The following RNASEL variants were observed in gnomAD, a reference collection of about 807,000 sequenced individuals.
RNASEL encodes ribonuclease L.
Under a neutral mutation model 50.9 loss-of-function variants are expected in RNASEL, and 36 were observed. That is an observed-to-expected ratio of 0.71 (90% CI 0.54 to 0.93). The LOEUF is 0.93. Among genes scored for constraint, RNASEL ranks in the 40% least tolerant of loss-of-function variants. The pLI is 0.00. For missense variants in RNASEL, 860 were observed against 894.5 expected (o/e 0.96, Z 0.49); for synonymous variants, 335 against 335.6 (o/e 1.00, Z 0.02).
intron 2 of RNASEL, among the ~76,000 whole-genome samples, chr1:182,585,012 C>G (rs1037842354): frequency 6.6e-6 from 1 of 152,150 alleles, no homozygotes; most frequent in Non-Finnish European, 1.5e-5. Flanking sequence ...TGAAGGAACT[C>G]ACCTCTAGGA....
intron 6 of RNASEL, 149 bp from the exon 7 acceptor site, chr1:182,575,727 CCT>C: frequency 1.0e-6 from 1 of 993,610 alleles, no homozygotes; most frequent in African/African-American, 1.6e-5. Flanking sequence ...AGACTCCTCC[CCT>C]GACTCTTCAA....
chr1:182,584,250 T>C, intron 2 of RNASEL, 84 bp from the exon 3 acceptor site: 2 of 919,098 alleles, frequency 2.2e-6, no homozygotes, highest in Non-Finnish European at 3.6e-6. Context: ...ATATGTAACA[T>C]GCTATAAAAA....
intron 2 of RNASEL, 104 bp from the exon 3 acceptor site, chr1:182,584,270 C>T (rs1406477949): frequency 2.5e-6 from 2 of 797,714 alleles, no homozygotes; most frequent in South Asian, 2.8e-5. Flanking sequence ...ATCATCATCT[C>T]TGTGGAAGGC....
In RNASEL at chr1:182,581,310, G is replaced by GT; in HGVS notation, c.1819dup (p.Thr607AsnfsTer5). 1 of 1,614,020 alleles carries GT rather than the reference G, an allele frequency of 6.2e-7. No homozygotes were observed. The highest frequency in any genetic ancestry group is 8.5e-7 in the Non-Finnish European group (1 of 1,179,994). On this transcript the variant is annotated frameshift_variant, in exon 5 of 7. Coordinates refer to ENST00000367559, the MANE Select transcript of RNASEL (RefSeq NM_021133.4). LOFTEE classifies it high-confidence loss of function. ...GAGGATCTCACTTTCAGATTTTCGT[G>GT]TTTTGATGTCGGATTCATTTCCCAC...
At chr1:182,579,826 G>A in intron 5 of RNASEL, 1 of 821,232 alleles carries the variant, frequency 1.2e-6, no homozygotes, top group South Asian at 1.4e-5. Flanking sequence ...TGTGGTCTCT[G>A]AGCCTCAATT....
intron 5 of RNASEL, chr1:182,579,886 G>T: frequency 2.1e-6 from 1 of 487,162 alleles, no homozygotes; most frequent in Non-Finnish European, 3.9e-6. Context: ...ACAGCTTCAT[G>T]TAGTGGTGTG....
chr1:182,582,885 C>A (rs1371961602), intron 3 of RNASEL, among the ~76,000 whole-genome samples: 2 of 152,150 alleles, frequency 1.3e-5, no homozygotes, highest in African/African-American at 4.8e-5. Flanking sequence ...AAAGACCTAC[C>A]CTGACAGGGT....
At chr1:182,588,591 TGCA>T (rs1430881807) in intron 1 of RNASEL, among the ~76,000 whole-genome samples, 1 of 152,244 alleles carries the variant, frequency 6.6e-6, no homozygotes, top group Non-Finnish European at 1.5e-5. Flanking sequence ...TTTAAATAAC[TGCA>T]TCTGCTATAG....
chr1:182,578,215 T>A (rs928751549), intron 5 of RNASEL: 3 of 151,926 alleles, frequency 2.0e-5, no homozygotes, highest in South Asian at 2.1e-4. Flanking sequence ...GGAAAAAAAA[T>A]ATTTGCAAAC....
rs748885927 is a variant in RNASEL at position 182,586,299 on chromosome 1, T to G, written c.508A>C (p.Thr170Pro). 1.2e-6 allele frequency: 2 copies of G among 1,614,202 alleles called. No individual in the cohort carries two copies. Among genetic ancestry groups the G allele is most frequent in the Non-Finnish European group, 1.7e-6 (2 of 1,180,038 alleles). ...DQERLRKGGA[T>P]ALMDAAEKGH... ...TTTTCAGCAGCGTCCATGAGAGCTG[T>G]GGCCCCTCCTTTCCTCAGCCGCTCT... The change falls in exon 2 of 7, where the codon ACA (threonine) becomes CCA (proline). Residue 170 changes from threonine (T) to proline (P), a missense_variant. By Grantham distance (38) the Thr-to-Pro change is conservative. Coordinates refer to ENST00000367559, the MANE Select transcript of RNASEL (RefSeq NM_021133.4).
chr1:182,575,136 T>C lies in RNASEL; in HGVS notation c.*256A>G. 1.9e-6 allele frequency: 1 copy of C among 533,572 alleles called. No individual in the cohort carries two copies. The highest frequency in any genetic ancestry group is 3.4e-6 in the Non-Finnish European group (1 of 297,662). 33.1% of individuals were successfully genotyped at this position (533,572 alleles called of 1,614,324 possible). On this transcript the variant is annotated 3_prime_UTR_variant, in exon 7 of 7. Coordinates refer to ENST00000367559, the MANE Select transcript of RNASEL (RefSeq NM_021133.4). ...GCATTAGGGGTCAAGGCACTCATTCTTTTGGTGCAATTGACAAAAGGAATC... is the reference window on the plus strand; with the variant it reads ...GCATTAGGGGTCAAGGCACTCATTCCTTTGGTGCAATTGACAAAAGGAATC...
At chr1:182,580,574 TG>T in intron 5 of RNASEL, among the ~76,000 whole-genome samples, 2 of 152,366 alleles carry the variant, frequency 1.3e-5, no homozygotes, top group East Asian at 3.9e-4. Flanking sequence ...CTCAAGGCCT[TG>T]CATGGGCCTA....
rs1009115300 is a variant in RNASEL, at chr1:182,576,272, C to T, written c.2023G>A (p.Glu675Lys). The stretch of plus-strand genomic sequence containing the variant: ...AATACTTACTTTTTATGCTTTTCTT[C>T]ATCAATGTGTTCTCCCAAATTCCGG... ...FIRNLGEHIDEEKHKKMKLKI... is the reference protein window; with the variant it reads ...FIRNLGEHIDKEKHKKMKLKI... The change falls in exon 6 of 7, where the codon GAA (glutamate) becomes AAA (lysine). Residue 675 changes from glutamate (E) to lysine (K), a missense_variant. Coordinates refer to ENST00000367559, the MANE Select transcript of RNASEL (RefSeq NM_021133.4). 6.2e-7 allele frequency: 1 copy of T among 1,611,252 alleles called. No homozygotes were observed. Among genetic ancestry groups the T allele is most frequent in the Non-Finnish European group, 8.5e-7 (1 of 1,178,474 alleles).
chr1:182,575,368 C>G lies in RNASEL; in HGVS notation c.*24G>C, dbSNP rs373310094. 2 of 1,610,322 alleles carry G rather than the reference C, an allele frequency of 1.2e-6. No homozygotes were observed. The highest frequency in any genetic ancestry group is 2.7e-5 in the African/African-American group (2 of 74,848). On this transcript the variant is annotated 3_prime_UTR_variant, in exon 7 of 7. Coordinates refer to ENST00000367559, the MANE Select transcript of RNASEL (RefSeq NM_021133.4). ...GGACTCTACAGCTAATAAGTAGTTC[C>G]CTGAACTCCAGCAAATCAGTCCATC... is the stretch of plus-strand genomic sequence containing the variant.
chr1:182,583,231 G>A (rs1661527585), intron 3 of RNASEL, among the ~76,000 whole-genome samples: 1 of 152,194 alleles, frequency 6.6e-6, no homozygotes, highest in Admixed American at 6.5e-5. Context: ...AGTGGAGGAA[G>A]AGAGATTCAA....
At chr1:182,583,829 T>C (rs1029692980) in intron 3 of RNASEL, among the ~76,000 whole-genome samples, 1 of 152,226 alleles carries the variant, frequency 6.6e-6, no homozygotes, top group Admixed American at 6.5e-5. Flanking sequence ...GACTGAAGGC[T>C]GCACTGTCGG....
rs1661489202 is a variant in RNASEL at position 182,581,277 on chromosome 1, A to T, written c.1853T>A (p.Leu618Gln). 1.9e-6 allele frequency: 3 copies of T among 1,614,166 alleles called. No homozygotes were observed. The highest frequency in any genetic ancestry group is 1.7e-5 in the Admixed American group (1 of 60,008). Reference protein sequence around the residue: ...RKSESEILRLLQPGPSEHSKS... With the variant: ...RKSESEILRLQQPGPSEHSKS... Reference sequence around the variant, plus strand: ...GGAATGTTCAGAAGGCCCAGGTTGCAGTAGTCTGAGGATCTCACTTTCAGA... The same window carrying T: ...GGAATGTTCAGAAGGCCCAGGTTGCTGTAGTCTGAGGATCTCACTTTCAGA... Residue 618 changes from leucine (L) to glutamine (Q), a missense_variant, in exon 5 of 7, where the codon CTG becomes CAG. Coordinates refer to ENST00000367559, the MANE Select transcript of RNASEL (RefSeq NM_021133.4).
Position 182,581,347 on chromosome 1 carries a change from T to C in RNASEL, c.1783A>G (p.Thr595Ala), listed in dbSNP as rs779050541. 1.2e-6 allele frequency: 2 copies of C among 1,613,840 alleles called. No homozygotes were observed. The highest frequency in any genetic ancestry group is 1.3e-5 in the African/African-American group (1 of 74,858). Reference protein sequence around the residue: ...FFWTWESRYRTLRNVGNESDI... With the variant: ...FFWTWESRYRALRNVGNESDI... ...GATTCATTTCCCACATTCCGAAGCG[T>C]CCTATAGCGGCTGAAGATGACTAAA... is the stretch of plus-strand genomic sequence containing the variant. Residue 595 changes from threonine to alanine, a missense_variant, in exon 5 of 7, where the codon ACG becomes GCG. Coordinates refer to ENST00000367559, the MANE Select transcript of RNASEL (RefSeq NM_021133.4).
intron 4 of RNASEL, 91 bp downstream of exon 4, chr1:182,581,962 G>T: frequency 9.0e-7 from 1 of 1,112,256 alleles, no homozygotes; most frequent in Non-Finnish European, 1.4e-6. Flanking sequence ...AAAAAGCCTG[G>T]GTCTCCTGAT....
Sources: gnomAD v4.1 joint callset for allele counts (sites outside exome capture counted in the v4.1 genomes callset) on GRCh38, gnomAD v4.1.1 for gene constraint, MANE v1.5 for transcripts, NCBI Gene and HGNC (gene_info 2026-07-23, HGNC 2026-07-21) for gene names.